The following TNFSF4 variants were observed in gnomAD, a reference collection of about 807,000 sequenced individuals.
TNFSF4 encodes the protein tumor necrosis factor ligand superfamily member 4.
TNFSF4 carries 4 observed loss-of-function variants against 7.3 expected under a neutral mutation model. The observed-to-expected ratio is 0.55, with a 90% CI of 0.27 to 1.25. TNFSF4 has a LOEUF of 1.25. Among genes scored for constraint, TNFSF4 ranks in the 50% most tolerant of loss-of-function variants. The probability of loss-of-function intolerance (pLI) is 0.12; values close to 1 mark genes in which losing one functional copy is unlikely to be tolerated. For synonymous variants in TNFSF4, 76 were observed against 83.7 expected (o/e 0.91, Z 0.50); for missense variants, 181 against 208.8 (o/e 0.87, Z 0.82).
At chr1:173,204,614 A>G (rs1348041745) in intron 1 of TNFSF4, among the ~76,000 whole-genome samples, 3 of 152,178 alleles carry the variant, frequency 2.0e-5, no homozygotes, top group Non-Finnish European at 1.5e-5. Context: ...TTCTCTCACA[A>G]TAAAAGAGGT....
the TNFSF4 span, among the ~76,000 whole-genome samples, chr1:173,177,185 T>G: frequency 3.9e-5 from 6 of 152,214 alleles, no homozygotes; most frequent in South Asian, 1.0e-3. Flanking sequence ...CACTGAATTT[T>G]TAGACTAGAA....
chr1:173,398,409 C>CTTTATTTTTTTTTTTT, the TNFSF4 span, among the ~76,000 whole-genome samples: 2 of 101,572 alleles, frequency 2.0e-5, no homozygotes, highest in Non-Finnish European at 3.8e-5. Flanking sequence ...TATTTCTTTT[C>CTTTATTTTTTTTTTTT]TTTTTTTTTT....
chr1:173,345,689 C>G, the TNFSF4 span, among the ~76,000 whole-genome samples: 7 of 152,150 alleles, frequency 4.6e-5, no homozygotes, highest in Non-Finnish European at 8.8e-5. Flanking sequence ...ACTAAATGGA[C>G]CAAGGACAGA....
chr1:173,384,615 G>C, the TNFSF4 span, among the ~76,000 whole-genome samples: 2 of 152,060 alleles, frequency 1.3e-5, no homozygotes, highest in Admixed American at 1.3e-4. Flanking sequence ...ACCAGTGGTG[G>C]TTCCTGACAG....
At chr1:173,178,668 A>G in the TNFSF4 span, among the ~76,000 whole-genome samples, 105 of 152,364 alleles carry the variant, frequency 6.9e-4, no homozygotes, top group Non-Finnish European at 1.0e-3. Context: ...TCATGTATTT[A>G]AAATATGTTA....
chr1:173,420,728 G>C, the TNFSF4 span, among the ~76,000 whole-genome samples: 1 of 152,142 alleles, frequency 6.6e-6, no homozygotes, highest in South Asian at 2.1e-4. Context: ...GGGAATAAAC[G>C]TGTAAAGAAA....
the TNFSF4 span, among the ~76,000 whole-genome samples, chr1:173,251,396 T>G: frequency 6.6e-6 from 1 of 152,238 alleles, no homozygotes; most frequent in African/African-American, 2.4e-5. Flanking sequence ...TTGAGCCCCT[T>G]GATAGCAGAG....
the TNFSF4 span, among the ~76,000 whole-genome samples, chr1:173,324,544 C>T: frequency 2.8e-3 from 431 of 152,284 alleles, 5 homozygotes; most frequent in African/African-American, 8.6e-3. Context: ...GGACTAAATG[C>T]TCCAATTAAA....
At chr1:173,376,115 G>A in the TNFSF4 span, among the ~76,000 whole-genome samples, 2 of 152,156 alleles carry the variant, frequency 1.3e-5, no homozygotes, top group Non-Finnish European at 2.9e-5. Flanking sequence ...TTCTAGGGAT[G>A]TTTTATGAAT....
the TNFSF4 span, among the ~76,000 whole-genome samples, chr1:173,269,435 G>A: frequency 0.022 from 3,414 of 152,032 alleles, 58 homozygotes; most frequent in Middle Eastern, 0.054. Flanking sequence ...GAACTTCCAC[G>A]TTTTCACTTA....
At chr1:173,180,851 C>A (rs912089089), downstream of TNFSF4, among the ~76,000 whole-genome samples, 4 of 152,146 alleles carry the variant, frequency 2.6e-5, no homozygotes, top group African/African-American at 9.7e-5. Context: ...GACATGATAG[C>A]AACAAGTATT....
chr1:173,347,031 A>G, the TNFSF4 span, among the ~76,000 whole-genome samples: 1 of 152,228 alleles, frequency 6.6e-6, no homozygotes, highest in African/African-American at 2.4e-5. Flanking sequence ...TGTAGCCACG[A>G]TATTTGCTAA....
chr1:173,373,478 G>A, the TNFSF4 span, among the ~76,000 whole-genome samples: 1 of 152,140 alleles, frequency 6.6e-6, no homozygotes, highest in Non-Finnish European at 1.5e-5. Flanking sequence ...TGACAGAAGA[G>A]GGAAAAGTAC....
At chr1:173,299,899 G>A in the TNFSF4 span, among the ~76,000 whole-genome samples, 1 of 151,778 alleles carries the variant, frequency 6.6e-6, no homozygotes, top group African/African-American at 2.4e-5. Context: ...GGGGTAGGCT[G>A]AGGGGCTCAT....
chr1:173,445,502 G>A, the TNFSF4 span, among the ~76,000 whole-genome samples: 2 of 152,140 alleles, frequency 1.3e-5, no homozygotes, highest in Non-Finnish European at 2.9e-5. Flanking sequence ...GAGCCAGGGT[G>A]AAAAGTAGCA....
chr1:173,288,832 A>G, the TNFSF4 span, among the ~76,000 whole-genome samples: 2 of 151,934 alleles, frequency 1.3e-5, no homozygotes, highest in African/African-American at 4.8e-5. Flanking sequence ...CTGCCACTTG[A>G]CATGATGGAA....
At chr1:173,283,305 A>T in the TNFSF4 span, among the ~76,000 whole-genome samples, 3 of 152,130 alleles carry the variant, frequency 2.0e-5, no homozygotes, top group Non-Finnish European at 2.9e-5. Flanking sequence ...CCCCCAAAAA[A>T]GAGAGTTGAA....
At chr1:173,327,035 C>G in the TNFSF4 span, among the ~76,000 whole-genome samples, 1 of 152,196 alleles carries the variant, frequency 6.6e-6, no homozygotes, top group Non-Finnish European at 1.5e-5. Flanking sequence ...TCATATGGAA[C>G]CAAAAAAGAG....
downstream of TNFSF4, among the ~76,000 whole-genome samples, chr1:173,179,259 A>T (rs1452109370): frequency 6.6e-6 from 1 of 152,210 alleles, no homozygotes. Flanking sequence ...GAGAAGCTGA[A>T]GCTCCACAGC....
Sources: gnomAD v4.1 joint callset for allele counts (sites outside exome capture counted in the v4.1 genomes callset) on GRCh38, gnomAD v4.1.1 for gene constraint, MANE v1.5 for transcripts, NCBI Gene and HGNC (gene_info 2026-07-23, HGNC 2026-07-21) for gene names.